KIFC3: variants seen among roughly 807,000 people sequenced by gnomAD.
KIFC3 encodes the protein kinesin-like protein KIFC3.
A neutral mutation model predicts 101.8 loss-of-function variants in KIFC3; 60 were observed. The ratio of observed to expected loss-of-function variants is 0.59; its 90% CI spans 0.48 to 0.73. KIFC3 has a LOEUF of 0.73. Among genes scored for constraint, KIFC3 ranks in the 30% least tolerant of loss-of-function variants. The probability of loss-of-function intolerance (pLI) is 0.00; values close to 1 mark genes in which losing one functional copy is unlikely to be tolerated. For missense variants in KIFC3, 966 were observed against 1,137.1 expected (o/e 0.85, Z 2.16); for synonymous variants, 476 against 482.7 (o/e 0.99, Z 0.18).
Position 57,833,118 on chromosome 16 carries a change from A to C in KIFC3, c.108+29611T>G, listed in dbSNP as rs111475008. On this transcript the variant is annotated intron_variant, in intron 1 of 2. Coordinates refer to the KIFC3 transcript ENST00000563028. ...CTACTCCGGAGTCTAAGGCAGAAGA[A>C]TCGCTTGAACCTGGGAGGTAGAGGT... Among the ~76,000 whole-genome samples the C allele has an allele frequency of 6.6e-3, 1,004 of 152,092 alleles. 12 individuals carry two copies. The highest frequency in any genetic ancestry group is 0.023 in the African/African-American group (939 of 41,488).
At chr16:57,832,624 A>AT (rs1380041710) in intron 1 of KIFC3, among the ~76,000 whole-genome samples, 5 of 151,790 alleles carry the variant, frequency 3.3e-5, no homozygotes, top group African/African-American at 1.2e-4. Flanking sequence ...CGCAAGGTGA[A>AT]TTTTTTTTCT....
At chr16:57,855,133 T>C (rs1449966307) in intron 1 of KIFC3, among the ~76,000 whole-genome samples, 1 of 150,270 alleles carries the variant, frequency 6.7e-6, no homozygotes, top group Non-Finnish European at 1.5e-5. Flanking sequence ...TTTTTTTTTT[T>C]TTTTTTTTTT....
chr16:57,796,343 T>G (rs2054321068), intron 2 of KIFC3, among the ~76,000 whole-genome samples: 1 of 152,196 alleles, frequency 6.6e-6, no homozygotes, highest in Non-Finnish European at 1.5e-5. Context: ...CCAATAGGAC[T>G]ACAGTAGCCA....
chr16:57,784,193 G>A (rs942839150), intron 3 of KIFC3, among the ~76,000 whole-genome samples: 1 of 152,268 alleles, frequency 6.6e-6, no homozygotes, highest in Admixed American at 6.5e-5. Flanking sequence ...CTCAGTGCCA[G>A]TACAAAAGGG....
chr16:57,771,628 C>T lies in KIFC3; in HGVS notation c.440G>A (p.Arg147Lys), dbSNP rs1555608521. 3.1e-6 allele frequency: 5 copies of T among 1,613,322 alleles called. No individual in the cohort carries two copies. Among genetic ancestry groups the T allele is most frequent in the Non-Finnish European group, 4.2e-6 (5 of 1,179,946 alleles). Reference sequence around the variant, plus strand: ...GGCCTCACAGCGCCGCATCTCCTGCCTCAGTCGCTCATTCTCCACCATCAG... The same window carrying T: ...GGCCTCACAGCGCCGCATCTCCTGCTTCAGTCGCTCATTCTCCACCATCAG... ...DLLMVENERL[R>K]QEMRRCEAEL... is the part of the protein sequence containing the mutation. Residue 147 changes from arginine to lysine, a missense_variant, in exon 5 of 20, where the codon AGG becomes AAG. Transcript: ENST00000445690.
intron 3 of KIFC3, chr16:57,788,474 C>A: frequency 3.7e-6 from 4 of 1,091,564 alleles, no homozygotes; most frequent in Non-Finnish European, 3.5e-6. Context: ...CACCTCCAGC[C>A]GGGGAGGACA....
At chr16:57,796,352 C>T (rs1202596620) in intron 2 of KIFC3, among the ~76,000 whole-genome samples, 1 of 152,224 alleles carries the variant, frequency 6.6e-6, no homozygotes, top group Non-Finnish European at 1.5e-5. Flanking sequence ...CTACAGTAGC[C>T]ATCAGCTCCT....
intron 3 of KIFC3, among the ~76,000 whole-genome samples, chr16:57,788,329 A>G (rs1055390525): frequency 6.6e-6 from 1 of 152,246 alleles, no homozygotes; most frequent in African/African-American, 2.4e-5. Flanking sequence ...AAGGACTCTT[A>G]TCACTGGGTG....
At chr16:57,785,605 G>A (rs1236507313) in intron 3 of KIFC3, 1 of 1,281,538 alleles carries the variant, frequency 7.8e-7, no homozygotes, top group Admixed American at 2.3e-5. Context: ...TAAGCACCAT[G>A]GGGGCCGCAC....
intron 1 of KIFC3, among the ~76,000 whole-genome samples, chr16:57,850,621 G>T (rs759636842): frequency 7.8e-4 from 118 of 151,370 alleles, no homozygotes; most frequent in Non-Finnish European, 1.6e-3. Flanking sequence ...GATTACAGGC[G>T]CCTGCCACCA....
In KIFC3 at chr16:57,797,602, C is replaced by T. The variant is rs2054438715; in HGVS notation, c.172+470G>A. The T allele has an allele frequency of 1.3e-5, 10 of 767,122 alleles. No individual in the cohort carries two copies. In the South Asian group the frequency reaches 2.1e-4, roughly 16 times the overall value. 47.5% of individuals were successfully genotyped at this position (767,122 alleles called of 1,614,324 possible). A position where few individuals can be genotyped will look rare whatever the true frequency, so the allele number is the denominator to read the frequency against. ...ATGGACCCCAAGCCCCGCCAGGCCA[C>T]GTTCCCGAGCAGCCTCGGTCCACTC... On this transcript the variant is annotated intron_variant, in intron 2 of 19. Transcript: ENST00000445690.
At chr16:57,790,251 TG>T (rs1403804586) in intron 3 of KIFC3, among the ~76,000 whole-genome samples, 2 of 151,370 alleles carry the variant, frequency 1.3e-5, no homozygotes, top group East Asian at 3.9e-4. Flanking sequence ...GGCTGATTTT[TG>T]TATTTTTTGT....
chr16:57,798,157 C>T lies in KIFC3; in HGVS notation c.87G>A (p.Glu29=). 6.5e-7 allele frequency: 1 copy of T among 1,544,772 alleles called. No individual in the cohort carries two copies. Among genetic ancestry groups the T allele is most frequent in the East Asian group, 2.4e-5 (1 of 41,098 alleles). Residue 29 remains glutamate (E), a synonymous_variant, in exon 2 of 20, where the codon GAG becomes GAA. Coordinates refer to ENST00000445690, the MANE Select transcript of KIFC3 (RefSeq NM_001130100.2). ...LWRVGRAPEP[E]PGMARPAPAP... The stretch of plus-strand genomic sequence containing the variant: ...CTGGGGCGGGGCGAGCCATCCCCGG[C>T]TCGGGCTCCGGGGCCCGGCCCACTC...
rs112118823 is a variant in KIFC3, at chr16:57,821,826, T to C, written c.109-23544A>G. ...ACTTTGGGAGGCTGAGGTGGGAGGA[T>C]GACTTGAGCCCAGGAGTACGAGGTG... On this transcript the variant is annotated intron_variant, in intron 1 of 2. Transcript: ENST00000563028. Among the ~76,000 whole-genome samples the C allele has an allele frequency of 8.2e-4, 125 of 152,302 alleles. 1 individual carries two copies. The highest frequency in any genetic ancestry group is 2.8e-3 in the African/African-American group (116 of 41,570).
chr16:57,821,354 T>G (rs2055346755), intron 1 of KIFC3, among the ~76,000 whole-genome samples: 4 of 152,208 alleles, frequency 2.6e-5, no homozygotes, highest in Admixed American at 2.6e-4. Flanking sequence ...GTTCTGTCTC[T>G]GGCTGTAGCT....
At chr16:57,780,655 C>A (rs1366120613) in intron 3 of KIFC3, among the ~76,000 whole-genome samples, 1 of 139,822 alleles carries the variant, frequency 7.2e-6, no homozygotes, top group African/African-American at 2.6e-5. Flanking sequence ...AGCCTGTGGT[C>A]TCTGAAGACA....
rs782658841 is a variant in KIFC3, at chr16:57,761,050, C to T, written c.1994G>A (p.Arg665His). 1.6e-5 allele frequency: 25 copies of T among 1,609,640 alleles called. No homozygotes were observed. The highest frequency in any genetic ancestry group is 9.3e-5 in the African/African-American group (7 of 74,872). The part of the protein sequence containing the change: ...VRGVDCSTGL[R>H]TTGKLNLVDL... The stretch of plus-strand genomic sequence containing the variant: ...CTGCCTGCCACTCTCACCCGTGGTG[C>T]GGAGGCCTGTGCTGCAGTCCACGCC... The change falls in exon 15 of 20, where the codon CGC becomes CAC. Residue 665 changes from arginine (R) to histidine (H), a missense_variant. Transcript: ENST00000445690.
chr16:57,769,780 G>T lies in KIFC3; in HGVS notation c.1087+28C>A. The T allele has an allele frequency of 6.2e-7, 1 of 1,612,798 alleles. No individual in the cohort carries two copies. The highest frequency in any genetic ancestry group is 1.1e-5 in the South Asian group (1 of 91,078). On this transcript the variant is annotated intron_variant, in intron 8 of 19. Transcript: ENST00000445690. This position sits in a 1 kb window ranked among gnomAD's most constrained non-coding sequence, Gnocchi z 4.3. ...AGGGGATGAGGGGCCGCGGCGTGGGGCAGACAGGGCCCAGCTGGTCAGCTC... is the reference window on the plus strand; with the variant it reads ...AGGGGATGAGGGGCCGCGGCGTGGGTCAGACAGGGCCCAGCTGGTCAGCTC...
intron 10 of KIFC3, among the ~76,000 whole-genome samples, chr16:57,766,575 C>T (rs1555603125): frequency 6.6e-6 from 1 of 152,182 alleles, no homozygotes; most frequent in Non-Finnish European, 1.5e-5. Context: ...TTTCCAGCTG[C>T]CACCAACCCA....
Sources: allele counts gnomAD v4.1 joint callset (sites outside exome capture counted in the v4.1 genomes callset), GRCh38; gene constraint gnomAD v4.1.1; non-coding constraint Gnocchi (gnomAD v3.1); transcripts MANE v1.5; gene names NCBI Gene and HGNC (gene_info 2026-07-23, HGNC 2026-07-21).